ASTN2: variants seen among roughly 807,000 people sequenced by gnomAD.
ASTN2 encodes astrotactin-2.
Under a neutral mutation model 139.8 loss-of-function variants are expected in ASTN2, and 54 were observed. The observed-to-expected ratio is 0.39, with a 90% confidence interval of 0.31 to 0.48. The LOEUF is 0.48. Ranked by LOEUF, ASTN2 falls within the 20% of genes least tolerant of loss-of-function variation. ASTN2 has a pLI of 0.95. For synonymous variants in ASTN2, 756 were observed against 719.5 expected, an observed-to-expected ratio of 1.05 and a Z score of -0.81; for missense variants, 1,565 against 1,725.1, an observed-to-expected ratio of 0.91 and a Z score of 1.64.
At chr9:116,680,554 G>T (rs531474699) in intron 16 of ASTN2, among the ~76,000 whole-genome samples, 28 of 152,116 alleles carry the variant, frequency 1.8e-4, no homozygotes, top group East Asian at 9.7e-4. Context: ...TACCAAAGCC[G>T]GGCAGAGACA....
In ASTN2 at chr9:116,733,532, A is replaced by G; in HGVS notation, c.2397-9T>C. 1 of 1,614,064 alleles carries G rather than the reference A, an allele frequency of 6.2e-7. No individual in the cohort carries two copies. Reference sequence around the variant, plus strand: ...TGATGAAGTTGTTCTCCCTGTGGAGAGGAGCAGAGAGACTGCCAAATCGAG... The same window carrying G: ...TGATGAAGTTGTTCTCCCTGTGGAGGGGAGCAGAGAGACTGCCAAATCGAG... On this transcript the variant is annotated splice_polypyrimidine_tract_variant and intron_variant, in intron 13 of 22. Transcript: ENST00000313400.
chr9:116,554,189 C>A (rs946031507), intron 19 of ASTN2, among the ~76,000 whole-genome samples: 20 of 152,032 alleles, frequency 1.3e-4, no homozygotes, highest in Non-Finnish European at 2.9e-4. Flanking sequence ...TATGTATTAT[C>A]TCTCGTAATG....
intron 2 of ASTN2, among the ~76,000 whole-genome samples, chr9:117,228,390 C>T (rs530834667): frequency 5.3e-5 from 8 of 152,246 alleles, no homozygotes; most frequent in African/African-American, 1.9e-4. Flanking sequence ...ATAGGGGTCT[C>T]TTAGAGGCAT....
At chr9:116,768,587 T>G (rs1450337159) in intron 13 of ASTN2, among the ~76,000 whole-genome samples, 2 of 152,198 alleles carry the variant, frequency 1.3e-5, no homozygotes. Context: ...TCTGTTGAAA[T>G]TCTAATGGCC....
intron 11 of ASTN2, among the ~76,000 whole-genome samples, chr9:116,834,973 TAAG>T (rs1176678418): frequency 2.6e-5 from 4 of 152,246 alleles, no homozygotes; most frequent in Admixed American, 2.6e-4. Context: ...CGCTTGAGCC[TAAG>T]AAGTCGAGGC....
intron 13 of ASTN2, among the ~76,000 whole-genome samples, chr9:116,743,749 C>A (rs560634587): frequency 6.6e-6 from 1 of 152,124 alleles, no homozygotes; most frequent in Admixed American, 6.5e-5. Flanking sequence ...ATAATATGCC[C>A]ACTTCGCCCT....
At chr9:117,257,192 T>TG (rs1833710045) in intron 2 of ASTN2, among the ~76,000 whole-genome samples, 1 of 152,236 alleles carries the variant, frequency 6.6e-6, no homozygotes, top group African/African-American at 2.4e-5. Flanking sequence ...AAGAAAATGC[T>TG]GGTCCTGATT....
Position 117,243,432 on chromosome 9 carries a change from A to T in ASTN2, c.631-28690T>A, listed in dbSNP as rs78892960. 8.8e-3 allele frequency among the ~76,000 whole-genome samples: 1,343 copies of T among 152,340 alleles called. 28 individuals carry two copies. The highest frequency in any genetic ancestry group is 0.031 in the African/African-American group (1,295 of 41,594). On this transcript the variant is annotated intron_variant, in intron 2 of 22. Transcript: ENST00000313400. ...TAGGTCTTCTCACTGCAAGTACAGA[A>T]TCGTTTAAAATAGGATATAATATTC...
intron 13 of ASTN2, among the ~76,000 whole-genome samples, chr9:116,793,000 T>C (rs899199919): frequency 1.3e-5 from 2 of 152,044 alleles, no homozygotes; most frequent in African/African-American, 2.4e-5. Context: ...TTGGGTACTA[T>C]GCTCAGCACA....
chr9:117,219,539 C>T (rs763741084), intron 2 of ASTN2, among the ~76,000 whole-genome samples: 5 of 152,138 alleles, frequency 3.3e-5, no homozygotes, highest in South Asian at 4.1e-4. Flanking sequence ...CGATTTGTAC[C>T]GTGCTCACTC....
At chr9:116,741,953 T>C (rs1829106786) in intron 13 of ASTN2, among the ~76,000 whole-genome samples, 1 of 152,190 alleles carries the variant, frequency 6.6e-6, no homozygotes. Context: ...ATTCATTCCT[T>C]CATTCATTCA....
chr9:116,950,143 A>G (rs1835517887), intron 10 of ASTN2, among the ~76,000 whole-genome samples: 1 of 152,174 alleles, frequency 6.6e-6, no homozygotes, highest in Admixed American at 6.6e-5. Context: ...TATTTTGGGT[A>G]AAATAATTCT....
chr9:116,461,236 T>C (rs966369537), intron 20 of ASTN2, among the ~76,000 whole-genome samples: 1 of 151,458 alleles, frequency 6.6e-6, no homozygotes, highest in Admixed American at 6.6e-5. Flanking sequence ...TTATTTATTA[T>C]ATTTATTGAT....
chr9:116,714,164 G>C (rs966727921), intron 16 of ASTN2, among the ~76,000 whole-genome samples: 1 of 152,098 alleles, frequency 6.6e-6, no homozygotes, highest in African/African-American at 2.4e-5. Context: ...TTGGTGTTCA[G>C]CTGTGCAAAC....
At chr9:117,371,920 A>G (rs1755042476) in intron 1 of ASTN2, among the ~76,000 whole-genome samples, 1 of 152,140 alleles carries the variant, frequency 6.6e-6, no homozygotes. Context: ...ACACCCAGGC[A>G]GGGCTCTTCG....
chr9:116,445,183 A>G (rs1481072881), intron 20 of ASTN2, among the ~76,000 whole-genome samples: 3 of 152,200 alleles, frequency 2.0e-5, no homozygotes, highest in African/African-American at 7.2e-5. Flanking sequence ...AAATGAATGA[A>G]TGAAAGCATA....
intron 12 of ASTN2, among the ~76,000 whole-genome samples, chr9:116,818,658 A>G (rs1349246768): frequency 6.6e-6 from 1 of 152,236 alleles, no homozygotes; most frequent in Non-Finnish European, 1.5e-5. Flanking sequence ...AGCAAATGTT[A>G]TTAGAATCAC....
chr9:116,981,266 TTGAA>T (rs952400681), intron 7 of ASTN2, among the ~76,000 whole-genome samples: 2 of 152,164 alleles, frequency 1.3e-5, no homozygotes, highest in African/African-American at 2.4e-5. Context: ...AACTCAATTA[TTGAA>T]TGAATGAATG....
chr9:116,812,959 C>T (rs889425743), intron 12 of ASTN2, among the ~76,000 whole-genome samples: 5 of 152,078 alleles, frequency 3.3e-5, no homozygotes, highest in Admixed American at 6.5e-5. Flanking sequence ...AGTTCTCCCC[C>T]GCCGAGCCAC....
Sources: gnomAD v4.1 joint callset for allele counts (sites outside exome capture counted in the v4.1 genomes callset) on GRCh38, gnomAD v4.1.1 for gene constraint, MANE v1.5 for transcripts, NCBI Gene and HGNC (gene_info 2026-07-23, HGNC 2026-07-21) for gene names.